CTNNA3: variants seen among roughly 807,000 people sequenced by gnomAD.
CTNNA3 encodes the protein catenin alpha-3.
Under a neutral mutation model 95.7 loss-of-function variants are expected in CTNNA3, and 76 were observed. That is an observed-to-expected ratio of 0.79 (90% CI 0.66 to 0.96). The LOEUF is 0.96. CTNNA3 is among the 40% of genes least tolerant of loss of function. CTNNA3 has a pLI of 0.00. For synonymous variants in CTNNA3, 431 were observed against 374.4 expected (o/e 1.15, Z -1.74); for missense variants, 1,191 against 1,089.8 (o/e 1.09, Z -1.31).
chr10:66,421,515 C>T (rs1237323883), intron 11 of CTNNA3, among the ~76,000 whole-genome samples: 4 of 151,846 alleles, frequency 2.6e-5, no homozygotes, highest in Non-Finnish European at 5.9e-5. Context: ...ATCACATGTA[C>T]CCCATAAATA....
intron 7 of CTNNA3, among the ~76,000 whole-genome samples, chr10:66,865,966 C>T: frequency 6.6e-6 from 1 of 152,142 alleles, no homozygotes; most frequent in East Asian, 1.9e-4. Flanking sequence ...TTATTTATAG[C>T]TTTATACATT....
chr10:67,623,543 C>A (rs1345294310), intron 2 of CTNNA3, among the ~76,000 whole-genome samples: 1 of 152,054 alleles, frequency 6.6e-6, no homozygotes, highest in East Asian at 1.9e-4. Context: ...CTAACTACTC[C>A]CCATGCAGTC....
chr10:67,427,682 T>G (rs76361405), intron 5 of CTNNA3, among the ~76,000 whole-genome samples: 1,605 of 152,158 alleles, frequency 0.011, 37 homozygotes, highest in African/African-American at 0.036. Context: ...AAAGTCTCAT[T>G]TTTATAAATC....
At chr10:66,861,596 A>G (rs1343482507) in intron 7 of CTNNA3, among the ~76,000 whole-genome samples, 1 of 152,194 alleles carries the variant, frequency 6.6e-6, no homozygotes, top group African/African-American at 2.4e-5. Context: ...AGATGGATAC[A>G]TATTGTAAAA....
chr10:67,577,361 A>C (rs1193613127), intron 3 of CTNNA3, among the ~76,000 whole-genome samples: 1 of 150,066 alleles, frequency 6.7e-6, no homozygotes, highest in Non-Finnish European at 1.5e-5. Flanking sequence ...TCCTTTGCCC[A>C]CTTTTTGATG....
rs559197135 is a variant in CTNNA3, at chr10:66,840,905, C to T, written c.1048-65381G>A. Among the ~76,000 whole-genome samples the T allele has an allele frequency of 9.2e-5, 14 of 152,194 alleles. No individual in the cohort carries two copies. In the South Asian group the frequency reaches 2.9e-3, roughly 32 times the overall value. ...GAACTATAGAGTAAATCAATTTCTT[C>T]CTCATCTGTAAAATGAGATGATTAG... is the stretch of plus-strand genomic sequence containing the variant. On this transcript the variant is annotated intron_variant, in intron 7 of 17. Transcript: ENST00000433211.
At chr10:67,136,436 A>G (rs1202988916) in intron 7 of CTNNA3, among the ~76,000 whole-genome samples, 2 of 152,114 alleles carry the variant, frequency 1.3e-5, no homozygotes, top group Non-Finnish European at 2.9e-5. Flanking sequence ...TAGAAAGTTA[A>G]TTTCTCCTTA....
Position 67,568,932 on chromosome 10 carries a change from T to C in CTNNA3, c.293-29263A>G, listed in dbSNP as rs74142843. On this transcript the variant is annotated intron_variant, in intron 3 of 17. Coordinates refer to ENST00000433211, the MANE Select transcript of CTNNA3 (RefSeq NM_013266.4). ...ATTATAACTTAACAATGTCCTTAGATAAGCATTAAGACACAAATGCAATAT... is the reference window on the plus strand; with the variant it reads ...ATTATAACTTAACAATGTCCTTAGACAAGCATTAAGACACAAATGCAATAT... Among the ~76,000 whole-genome samples, 421 of 152,258 alleles carry C rather than the reference T, an allele frequency of 2.8e-3. 3 individuals are homozygous for C. The highest frequency in any genetic ancestry group is 9.7e-3 in the African/African-American group (404 of 41,560).
At chr10:66,126,697 C>A (rs1472691162) in intron 13 of CTNNA3, among the ~76,000 whole-genome samples, 2 of 151,970 alleles carry the variant, frequency 1.3e-5, no homozygotes, top group Non-Finnish European at 2.9e-5. Flanking sequence ...TTGTCAATAG[C>A]CATATCTGGA....
intron 11 of CTNNA3, among the ~76,000 whole-genome samples, chr10:66,439,343 A>C (rs761391299): frequency 4.6e-5 from 7 of 152,184 alleles, no homozygotes; most frequent in Non-Finnish European, 1.0e-4. Flanking sequence ...TCATCACAAC[A>C]ATGACCCTAT....
At chr10:67,405,380 G>A (rs1440461254) in intron 5 of CTNNA3, among the ~76,000 whole-genome samples, 2 of 152,052 alleles carry the variant, frequency 1.3e-5, no homozygotes, top group Non-Finnish European at 2.9e-5. Context: ...ACAGAAAAAA[G>A]CAGGGATTGC....
At chr10:66,235,520 A>G (rs1406514088) in intron 13 of CTNNA3, among the ~76,000 whole-genome samples, 2 of 152,040 alleles carry the variant, frequency 1.3e-5, no homozygotes, top group African/African-American at 4.8e-5. Context: ...ATAACCACAT[A>G]TAATCATAGC....
At chr10:67,430,998 G>A (rs1846093195) in intron 5 of CTNNA3, among the ~76,000 whole-genome samples, 2 of 151,824 alleles carry the variant, frequency 1.3e-5, no homozygotes, top group African/African-American at 4.8e-5. Context: ...GTTTATAATT[G>A]AAACTTCAGA....
intron 5 of CTNNA3, among the ~76,000 whole-genome samples, chr10:67,365,557 T>C (rs1843179081): frequency 6.6e-6 from 1 of 152,008 alleles, no homozygotes; most frequent in African/African-American, 2.4e-5. Flanking sequence ...CATCAAAAAG[T>C]GGGCAAAGGA....
In CTNNA3 at chr10:66,272,394, A is replaced by G. The variant is rs555395806; in HGVS notation, c.1884+8076T>C. Reference sequence around the variant, plus strand: ...AATAAATTGGAAATGGTGCCTGAATAAATTCTCCACAGTCAACAAAGTATC... The same window carrying G: ...AATAAATTGGAAATGGTGCCTGAATGAATTCTCCACAGTCAACAAAGTATC... On this transcript the variant is annotated intron_variant, in intron 13 of 17. Transcript: ENST00000433211. 7.2e-4 allele frequency among the ~76,000 whole-genome samples: 110 copies of G among 152,326 alleles called. 1 individual carries two copies. Among genetic ancestry groups the G allele is most frequent in the Non-Finnish European group, 1.4e-3 (95 of 68,022 alleles).
At chr10:66,368,526 A>G (rs777607559) in intron 12 of CTNNA3, among the ~76,000 whole-genome samples, 1 of 151,936 alleles carries the variant, frequency 6.6e-6, no homozygotes, top group Non-Finnish European at 1.5e-5. Flanking sequence ...CTGCGTAGTT[A>G]TATCTTTTCA....
chr10:65,993,039 T>G (rs1229550252), intron 15 of CTNNA3, among the ~76,000 whole-genome samples: 1 of 152,218 alleles, frequency 6.6e-6, no homozygotes, highest in African/African-American at 2.4e-5. Context: ...TCTACGTATT[T>G]GTACAGCTTC....
At chr10:67,316,817 A>C (rs943631512) in intron 5 of CTNNA3, among the ~76,000 whole-genome samples, 1 of 152,228 alleles carries the variant, frequency 6.6e-6, no homozygotes, top group African/African-American at 2.4e-5. Flanking sequence ...GAAAATATAA[A>C]GTATTTTTTA....
chr10:66,120,493 T>G (rs902965780), intron 13 of CTNNA3, among the ~76,000 whole-genome samples: 1 of 152,160 alleles, frequency 6.6e-6, no homozygotes, highest in Non-Finnish European at 1.5e-5. Context: ...ATGTCTTTTT[T>G]TGTTAACTTT....
Sources: gnomAD v4.1 joint callset for allele counts (sites outside exome capture counted in the v4.1 genomes callset) on GRCh38, gnomAD v4.1.1 for gene constraint, MANE v1.5 for transcripts, NCBI Gene and HGNC (gene_info 2026-07-23, HGNC 2026-07-21) for gene names.